The following IGSF5 variants were observed in gnomAD, a reference collection of about 807,000 sequenced individuals.
The protein encoded by IGSF5 is immunoglobulin superfamily member 5, also known as immunoglobulin superfamily 5 like.
IGSF5 carries 41 observed loss-of-function variants against 39.4 expected under a neutral mutation model. The ratio of observed to expected loss-of-function variants is 1.04; its 90% CI spans 0.81 to 1.35. IGSF5 has a LOEUF of 1.35. Among genes scored for constraint, IGSF5 ranks in the 40% most tolerant of loss-of-function variants. The pLI, the probability that IGSF5 is intolerant of heterozygous loss-of-function variation, is 0.00. For missense variants in IGSF5, 487 were observed against 494.6 expected, an observed-to-expected ratio of 0.98 and a Z score of 0.15; for synonymous variants, 183 against 175.3, an observed-to-expected ratio of 1.04 and a Z score of -0.34.
At chr21:39,714,050 A>C in the IGSF5 span, among the ~76,000 whole-genome samples, 1 of 152,360 alleles carries the variant, frequency 6.6e-6, no homozygotes, top group South Asian at 2.1e-4. Flanking sequence ...AGAGCTGTGA[A>C]TGAGTACTGC....
intron 1 of IGSF5, among the ~76,000 whole-genome samples, chr21:39,745,792 T>G (rs984499428): frequency 6.6e-6 from 1 of 152,202 alleles, no homozygotes; most frequent in Non-Finnish European, 1.5e-5. Context: ...CGTTTTTAAC[T>G]GGCCGACAGG....
chr21:39,750,167 C>T lies in IGSF5; in HGVS notation c.100+3869C>T, dbSNP rs568499347. On this transcript the variant is annotated intron_variant, in intron 2 of 8. Coordinates refer to ENST00000380588, the MANE Select transcript of IGSF5 (RefSeq NM_001080444.2). ...CTTTGGCTTAGTGATTTTGGGGTCC[C>T]GTGATTTATTTTCCTTTCACACCTT... Among the ~76,000 whole-genome samples the T allele has an allele frequency of 4.6e-5, 7 of 152,290 alleles. No individual in the cohort carries two copies. In the East Asian group the frequency reaches 1.4e-3, roughly 29 times the overall value.
At chr21:39,753,174 T>C (rs2080014056) in intron 2 of IGSF5, among the ~76,000 whole-genome samples, 1 of 152,204 alleles carries the variant, frequency 6.6e-6, no homozygotes, top group Admixed American at 6.5e-5. Context: ...TTGTATAAGG[T>C]GAGAGATGGG....
chr21:39,724,067 A>AAAAATAAAATAAAATAAAAT, the IGSF5 span, among the ~76,000 whole-genome samples: 2 of 137,046 alleles, frequency 1.5e-5, no homozygotes, highest in African/African-American at 5.5e-5. Context: ...CCCTGTCTCA[A>AAAAATAAAATAAAATAAAAT]AAAATAAAAT....
rs751257322 is a variant in IGSF5, at chr21:39,801,548, G to A, written c.*191G>A. 2 of 455,140 alleles carry A rather than the reference G, an allele frequency of 4.4e-6. No homozygotes were observed. The highest frequency in any genetic ancestry group is 7.8e-6 in the Non-Finnish European group (2 of 256,006). 28.2% of individuals were successfully genotyped at this position (455,140 alleles called of 1,614,324 possible). ...ATTTTCCCAGAGTTCAAAGTAGAAT[G>A]TGACTTTTAAGAGGTTTCATGGTTT... On this transcript the variant is annotated 3_prime_UTR_variant, in exon 9 of 9. Coordinates refer to ENST00000380588, the MANE Select transcript of IGSF5 (RefSeq NM_001080444.2).
At chr21:39,798,025 G>C (rs1396853715) in intron 8 of IGSF5, among the ~76,000 whole-genome samples, 1 of 152,108 alleles carries the variant, frequency 6.6e-6, no homozygotes, top group African/African-American at 2.4e-5. Flanking sequence ...ATGCCCCCAG[G>C]ACGGGGAAAT....
intron 2 of IGSF5, among the ~76,000 whole-genome samples, chr21:39,756,346 G>A (rs1398942451): frequency 1.3e-5 from 2 of 152,196 alleles, no homozygotes; most frequent in Non-Finnish European, 2.9e-5. Context: ...TGAGATGTCC[G>A]CAGATCAAGG....
At chr21:39,798,036 T>C (rs2087007458) in intron 8 of IGSF5, among the ~76,000 whole-genome samples, 1 of 152,202 alleles carries the variant, frequency 6.6e-6, no homozygotes, top group South Asian at 2.1e-4. Context: ...ACGGGGAAAT[T>C]TGATGTGCCA....
At chr21:39,731,763 A>T in the IGSF5 span, among the ~76,000 whole-genome samples, 4,236 of 152,260 alleles carry the variant, frequency 0.028, 197 homozygotes, top group African/African-American at 0.096. Flanking sequence ...TAACACCTTG[A>T]TGTTGGCCTT....
chr21:39,779,023 T>C lies in IGSF5; in HGVS notation c.719-67T>C, dbSNP rs571257145. 1.0e-4 allele frequency: 160 copies of C among 1,561,124 alleles called. No homozygotes were observed. The African/African-American group carries it at 1.7e-3, about 16-fold the overall frequency. On this transcript the variant is annotated intron_variant, in intron 4 of 8. Transcript: ENST00000380588. ...TTACTAGAAAACATAATGCAACTTATAATGGGGCAGAATCTGTGATTCTAG... is the reference window on the plus strand; with the variant it reads ...TTACTAGAAAACATAATGCAACTTACAATGGGGCAGAATCTGTGATTCTAG...
At position 39,792,074 on chromosome 21, in the gene IGSF5, C is replaced by T; in HGVS notation, c.1023C>T (p.Tyr341=). ...ETESGNENSG[Y]NSDEQKTTDT... is the part of the protein sequence containing the mutation. ...AAAGTGGAAATGAAAACTCCGGCTA[C>T]AATTCAGATGAACAAAAGACCACAG... The change falls in exon 7 of 9, where the codon TAC becomes TAT. Residue 341 remains tyrosine (Y), a synonymous_variant. Coordinates refer to ENST00000380588, the MANE Select transcript of IGSF5 (RefSeq NM_001080444.2). The T allele has an allele frequency of 6.2e-7, 1 of 1,610,254 alleles. No individual in the cohort carries two copies. Among genetic ancestry groups the T allele is most frequent in the Non-Finnish European group, 8.5e-7 (1 of 1,178,040 alleles).
At chr21:39,792,883 A>G (rs2086973602) in intron 7 of IGSF5, among the ~76,000 whole-genome samples, 1 of 152,180 alleles carries the variant, frequency 6.6e-6, no homozygotes, top group African/African-American at 2.4e-5. Flanking sequence ...TGAACAGGAC[A>G]CCTGCCCTCA....
At chr21:39,754,085 C>G (rs7280426) in intron 2 of IGSF5, among the ~76,000 whole-genome samples, 3 of 151,878 alleles carry the variant, frequency 2.0e-5, no homozygotes, top group Non-Finnish European at 1.5e-5. Flanking sequence ...TTTTATAGAC[C>G]CTGTGAGATT....
the IGSF5 span, among the ~76,000 whole-genome samples, chr21:39,714,622 G>T: frequency 6.6e-6 from 1 of 152,304 alleles, no homozygotes; most frequent in East Asian, 1.9e-4. Context: ...GCTTCTGCTG[G>T]TTGCTGCAGC....
chr21:39,773,388 G>T (rs1206294706), intron 4 of IGSF5, among the ~76,000 whole-genome samples: 16 of 152,156 alleles, frequency 1.1e-4, no homozygotes. Context: ...TGATTGTAAA[G>T]AGTGATTTCC....
At chr21:39,759,668 C>A (rs1257033642) in intron 2 of IGSF5, among the ~76,000 whole-genome samples, 1 of 151,776 alleles carries the variant, frequency 6.6e-6, no homozygotes, top group Non-Finnish European at 1.5e-5. Context: ...AGATTGAGAC[C>A]ATCCTGGCTA....
At chr21:39,744,215 C>T (rs951683736), upstream of IGSF5, among the ~76,000 whole-genome samples, 9 of 152,274 alleles carry the variant, frequency 5.9e-5, no homozygotes, top group Non-Finnish European at 1.2e-4. Context: ...CCTTTACCAG[C>T]GTGCCCAACA....
the IGSF5 span, among the ~76,000 whole-genome samples, chr21:39,717,955 A>T: frequency 6.6e-6 from 1 of 152,140 alleles, no homozygotes; most frequent in Non-Finnish European, 1.5e-5. Context: ...AATGATATTG[A>T]TTCATCTAAT....
At chr21:39,733,865 A>G in the IGSF5 span, among the ~76,000 whole-genome samples, 25 of 152,134 alleles carry the variant, frequency 1.6e-4, no homozygotes, top group Non-Finnish European at 3.2e-4. Context: ...TGTCTTCACA[A>G]TGTCTGCCTT....
Sources: allele counts gnomAD v4.1 joint callset (sites outside exome capture counted in the v4.1 genomes callset), GRCh38; gene constraint gnomAD v4.1.1; transcripts MANE v1.5; gene names NCBI Gene and HGNC (gene_info 2026-07-23, HGNC 2026-07-21).